The following ENPP6 variants were observed in gnomAD, a reference collection of about 807,000 sequenced individuals.
ENPP6 encodes the protein ectonucleotide pyrophosphatase/phosphodiesterase 6, also known as glycerophosphocholine cholinephosphodiesterase ENPP6.
ENPP6 carries 32 observed loss-of-function variants against 42.0 expected under a neutral mutation model. The observed-to-expected ratio is 0.76, with a 90% CI of 0.58 to 1.02. The LOEUF is 1.02. ENPP6 is among the 50% of genes least tolerant of loss of function. ENPP6 has a pLI of 0.00. For synonymous variants in ENPP6, 213 were observed against 216.0 expected, an observed-to-expected ratio of 0.99 and a Z score of 0.12; for missense variants, 552 against 566.8, an observed-to-expected ratio of 0.97 and a Z score of 0.27.
chr4:184,131,275 C>CT lies in ENPP6; in HGVS notation c.422-7004_422-7003insA, dbSNP rs747126902. Among the ~76,000 whole-genome samples the CT allele has an allele frequency of 5.6e-3, 451 of 80,108 alleles. 49 individuals are homozygous for CT. Among genetic ancestry groups the CT allele is most frequent in the African/African-American group, 0.021 (419 of 20,066 alleles). 52.6% of individuals were successfully genotyped at this position (80,108 alleles called of 152,430 possible). Reference sequence around the variant, plus strand: ...TTCTCTTTCTCTTCCTTCCTTCCTTCCTTCCTTCCTTCCTTCCTTCCTTCC... The same window carrying CT: ...TTCTCTTTCTCTTCCTTCCTTCCTTCTCTTCCTTCCTTCCTTCCTTCCTTCC... On this transcript the variant is annotated intron_variant, in intron 2 of 7. Transcript: ENST00000296741.
At chr4:184,116,138 G>C (rs1214401383) in intron 5 of ENPP6, among the ~76,000 whole-genome samples, 1 of 152,024 alleles carries the variant, frequency 6.6e-6, no homozygotes, top group Non-Finnish European at 1.5e-5. Flanking sequence ...CAGGAGAATG[G>C]CATGAACCCG....
chr4:184,169,819 C>T (rs1350845062), intron 1 of ENPP6, among the ~76,000 whole-genome samples: 1 of 152,254 alleles, frequency 6.6e-6, no homozygotes, highest in Admixed American at 6.5e-5. Context: ...GAAGAGCTTA[C>T]ATTTAGTTTA....
At chr4:184,141,119 G>A (rs1275531075) in intron 2 of ENPP6, among the ~76,000 whole-genome samples, 2 of 152,178 alleles carry the variant, frequency 1.3e-5, no homozygotes, top group Non-Finnish European at 2.9e-5. Flanking sequence ...ATTTAACCGA[G>A]GTGAATTTGC....
rs1453809972 is a variant in ENPP6, at chr4:184,101,956, C to A, written c.994-4588G>T. 2.0e-5 allele frequency among the ~76,000 whole-genome samples: 3 copies of A among 152,344 alleles called. No individual in the cohort carries two copies. In the East Asian group the frequency reaches 5.8e-4, roughly 29 times the overall value. On this transcript the variant is annotated intron_variant, in intron 6 of 7. Coordinates refer to ENST00000296741, the MANE Select transcript of ENPP6 (RefSeq NM_153343.4). Reference sequence around the variant, plus strand: ...GCCTTCAGGCTTGCGCGCTTTCCTGCCGGTGCCTGCATTCTCTCTGGGCGC... The same window carrying A: ...GCCTTCAGGCTTGCGCGCTTTCCTGACGGTGCCTGCATTCTCTCTGGGCGC...
chr4:184,138,578 T>TC lies in ENPP6; in HGVS notation c.422-14307dup, dbSNP rs1736768145. On this transcript the variant is annotated intron_variant, in intron 2 of 7. Coordinates refer to ENST00000296741, the MANE Select transcript of ENPP6 (RefSeq NM_153343.4). ...TCTTGATGAGTGAGAGGTATCTTTT[T>TC]CTTACATATAACAGGAAAGAACATT... Among the ~76,000 whole-genome samples, 5 of 152,232 alleles carry TC rather than the reference T, an allele frequency of 3.3e-5. No individual in the cohort carries two copies. In the South Asian group the frequency reaches 1.0e-3, roughly 31 times the overall value.
intron 1 of ENPP6, among the ~76,000 whole-genome samples, chr4:184,173,630 T>C (rs1737512371): frequency 6.6e-6 from 1 of 152,162 alleles, no homozygotes; most frequent in Non-Finnish European, 1.5e-5. Flanking sequence ...AAAGAGAAAA[T>C]AGTCTTTCCA....
intron 7 of ENPP6, among the ~76,000 whole-genome samples, chr4:184,093,640 A>AAATAATAATAAT (rs370411138): frequency 0.012 from 1,632 of 132,424 alleles, 17 homozygotes; most frequent in East Asian, 0.018. Flanking sequence ...CTCTGTCTCA[A>AAATAATAATAAT]AATAATAATA....
chr4:184,114,174 C>G (rs1736276702), intron 5 of ENPP6, among the ~76,000 whole-genome samples: 1 of 152,058 alleles, frequency 6.6e-6, no homozygotes, highest in Admixed American at 6.6e-5. Context: ...CCATGTTGGC[C>G]AGGCTGGTCT....
chr4:184,116,043 G>A (rs1345408513), intron 5 of ENPP6, among the ~76,000 whole-genome samples: 6 of 151,492 alleles, frequency 4.0e-5, no homozygotes, highest in Middle Eastern at 3.4e-3. Context: ...GTGAAACCCC[G>A]TCTCTACTAA....
chr4:184,186,873 A>G (rs2111104642), intron 1 of ENPP6, among the ~76,000 whole-genome samples: 2 of 152,228 alleles, frequency 1.3e-5, no homozygotes, highest in South Asian at 4.1e-4. Flanking sequence ...CTAAAATGAA[A>G]GTCTTATCAC....
chr4:184,119,507 G>C (rs779476782), intron 3 of ENPP6, among the ~76,000 whole-genome samples: 1 of 151,928 alleles, frequency 6.6e-6, no homozygotes, highest in African/African-American at 2.4e-5. Context: ...CTTTTGACAG[G>C]GTCATTGGAA....
At chr4:184,094,565 A>G (rs1016082608) in intron 7 of ENPP6, among the ~76,000 whole-genome samples, 4 of 152,258 alleles carry the variant, frequency 2.6e-5, no homozygotes, top group Non-Finnish European at 4.4e-5. Flanking sequence ...GCCTGATCCA[A>G]CTGAGGACCC....
intron 1 of ENPP6, among the ~76,000 whole-genome samples, chr4:184,189,523 C>T (rs140104440): frequency 1.2e-4 from 18 of 152,266 alleles, no homozygotes; most frequent in South Asian, 8.3e-4. Flanking sequence ...GCTGAAGCTC[C>T]GGTTTGAGTC....
chr4:184,159,457 G>C (rs1211306199), intron 1 of ENPP6, among the ~76,000 whole-genome samples: 1 of 152,124 alleles, frequency 6.6e-6, no homozygotes, highest in East Asian at 1.9e-4. Context: ...TGATGTGATT[G>C]ACCAACAATC....
At chr4:184,111,061 A>C (rs1200480316) in intron 6 of ENPP6, among the ~76,000 whole-genome samples, 2 of 152,156 alleles carry the variant, frequency 1.3e-5, no homozygotes, top group Non-Finnish European at 2.9e-5. Flanking sequence ...GCACCTCATT[A>C]GTCATCCAGC....
chr4:184,124,087 A>T, intron 3 of ENPP6, 74 bp downstream of exon 3: 1 of 1,186,864 alleles, frequency 8.4e-7, no homozygotes, highest in Non-Finnish European at 1.2e-6. Flanking sequence ...AAGCCCTCTT[A>T]ATTCACTTTA....
intron 2 of ENPP6, among the ~76,000 whole-genome samples, chr4:184,137,140 A>C (rs1013813442): frequency 6.6e-6 from 1 of 152,250 alleles, no homozygotes; most frequent in Non-Finnish European, 1.5e-5. Context: ...TCTGTCACCC[A>C]GGCTGGAGTG....
At chr4:184,177,761 C>A (rs536699981) in intron 1 of ENPP6, among the ~76,000 whole-genome samples, 82 of 152,164 alleles carry the variant, frequency 5.4e-4, no homozygotes, top group Non-Finnish European at 8.5e-4. Flanking sequence ...CCTAGCAAAC[C>A]TTAGCAACCC....
chr4:184,185,201 A>G (rs1369595693), intron 1 of ENPP6, among the ~76,000 whole-genome samples: 1 of 152,234 alleles, frequency 6.6e-6, no homozygotes, highest in Non-Finnish European at 1.5e-5. Flanking sequence ...CTACAGGGTC[A>G]TGGGTGGAGT....
Sources: allele counts gnomAD v4.1 joint callset (sites outside exome capture counted in the v4.1 genomes callset), GRCh38; gene constraint gnomAD v4.1.1; transcripts MANE v1.5; gene names NCBI Gene and HGNC (gene_info 2026-07-23, HGNC 2026-07-21).